The following MED27 variants were observed in gnomAD, a reference collection of about 807,000 sequenced individuals.
MED27 encodes the protein mediator of RNA polymerase II transcription subunit 27.
Under a neutral mutation model 38.2 loss-of-function variants are expected in MED27, and 30 were observed. The observed-to-expected ratio is 0.79, with a 90% CI of 0.59 to 1.07. The LOEUF (loss-of-function observed/expected upper bound fraction) is 1.07, where lower values mean the gene tolerates loss of function less well. Ranked by LOEUF, MED27 falls within the 50% of genes least tolerant of loss-of-function variation. The probability of loss-of-function intolerance (pLI) is 0.00; values close to 1 mark genes in which losing one functional copy is unlikely to be tolerated. For missense variants in MED27, 289 were observed against 397.5 expected, an observed-to-expected ratio of 0.73 and a Z score of 2.32; for synonymous variants, 122 against 153.5, an observed-to-expected ratio of 0.79 and a Z score of 1.52.
intron 4 of MED27, among the ~76,000 whole-genome samples, chr9:131,903,770 C>T (rs1039584535): frequency 7.9e-5 from 12 of 152,148 alleles, no homozygotes; most frequent in African/African-American, 2.7e-4. Flanking sequence ...CTCTGTTGCC[C>T]AGGTTGGAGT....
chr9:131,974,727 G>T (rs1831567190), intron 3 of MED27, among the ~76,000 whole-genome samples: 2 of 152,144 alleles, frequency 1.3e-5, no homozygotes, highest in Admixed American at 1.3e-4. Flanking sequence ...GTGGTGGAGG[G>T]TTATACTTGA....
Position 132,062,769 on chromosome 9 carries a change from A to G in MED27, c.348+14673T>C, listed in dbSNP as rs148141622. Among the ~76,000 whole-genome samples the G allele has an allele frequency of 6.6e-3, 1,005 of 152,094 alleles. 10 individuals are homozygous for G. The highest frequency in any genetic ancestry group is 7.6e-3 in the Non-Finnish European group (514 of 67,968). ...AGTAGCTGGGACTTAGGATTATCACATACCACCACACTTGGCAGATATTTT... is the reference window on the plus strand; with the variant it reads ...AGTAGCTGGGACTTAGGATTATCACGTACCACCACACTTGGCAGATATTTT... On this transcript the variant is annotated intron_variant, in intron 2 of 7. Transcript: ENST00000292035.
intron 4 of MED27, among the ~76,000 whole-genome samples, chr9:131,928,156 C>T (rs1476058016): frequency 6.6e-6 from 1 of 152,184 alleles, no homozygotes; most frequent in Non-Finnish European, 1.5e-5. Flanking sequence ...CATGTGGGCA[C>T]TGCAACATCA....
intron 3 of MED27, among the ~76,000 whole-genome samples, chr9:131,980,206 G>A (rs1831699990): frequency 6.6e-6 from 1 of 151,808 alleles, no homozygotes; most frequent in South Asian, 2.1e-4. Flanking sequence ...TGGGAGGCGG[G>A]TGGCGGGGGG....
In MED27 at chr9:131,957,666, A is replaced by G. The variant is rs528869279; in HGVS notation, c.480-18192T>C. On this transcript the variant is annotated intron_variant, in intron 3 of 7. Transcript: ENST00000292035. Reference sequence around the variant, plus strand: ...TGGTATATCCATACAATGAAATACTACTCCATAATAAAAAGAATATACAAT... The same window carrying G: ...TGGTATATCCATACAATGAAATACTGCTCCATAATAAAAAGAATATACAAT... 2.3e-4 allele frequency among the ~76,000 whole-genome samples: 35 copies of G among 152,180 alleles called. No individual in the cohort carries two copies. In the South Asian group the frequency reaches 7.0e-3, roughly 31 times the overall value.
intron 3 of MED27, among the ~76,000 whole-genome samples, chr9:131,956,293 G>A (rs549804596): frequency 9.8e-5 from 15 of 152,298 alleles, no homozygotes; most frequent in African/African-American, 3.6e-4. Context: ...TACAGTTAGT[G>A]GGCACAGTTT....
At chr9:131,877,201 A>G (rs190615301) in intron 6 of MED27, among the ~76,000 whole-genome samples, 1 of 152,308 alleles carries the variant, frequency 6.6e-6, no homozygotes, top group Admixed American at 6.5e-5. Context: ...CCAGGCCTTC[A>G]TCTGTGGCAT....
chr9:132,064,249 G>A (rs563057084), intron 2 of MED27, among the ~76,000 whole-genome samples: 5 of 152,290 alleles, frequency 3.3e-5, no homozygotes, highest in East Asian at 1.9e-4. Context: ...CAGAGCATCC[G>A]GGAACCCAGC....
intron 4 of MED27, among the ~76,000 whole-genome samples, chr9:131,906,984 T>C (rs9411415): frequency 0.53 from 81,209 of 152,072 alleles, 23,523 homozygotes; most frequent in Non-Finnish European, 0.66. Flanking sequence ...TAAACTGTCA[T>C]GGTGCTGGTG....
intron 4 of MED27, among the ~76,000 whole-genome samples, chr9:131,904,479 C>T (rs1464276299): frequency 2.0e-5 from 3 of 151,964 alleles, no homozygotes; most frequent in Non-Finnish European, 4.4e-5. Flanking sequence ...TAGCTCACTG[C>T]AGCCTGGAAC....
At chr9:132,026,194 C>T (rs945035950) in intron 2 of MED27, among the ~76,000 whole-genome samples, 2 of 152,184 alleles carry the variant, frequency 1.3e-5, no homozygotes, top group East Asian at 1.9e-4. Context: ...GGAATATTCA[C>T]GCATCCATCA....
intron 3 of MED27, among the ~76,000 whole-genome samples, chr9:131,980,644 A>C (rs1457321120): frequency 6.6e-6 from 1 of 152,120 alleles, no homozygotes; most frequent in Non-Finnish European, 1.5e-5. Flanking sequence ...ACAATATTCC[A>C]TCATTTTATG....
intron 3 of MED27, among the ~76,000 whole-genome samples, chr9:131,980,024 T>C (rs1487474438): frequency 6.6e-6 from 1 of 152,170 alleles, no homozygotes; most frequent in African/African-American, 2.4e-5. Flanking sequence ...TGGCTTTTGG[T>C]CTATGAATTG....
At chr9:132,043,981 AG>A (rs1303637062) in intron 2 of MED27, among the ~76,000 whole-genome samples, 2 of 152,236 alleles carry the variant, frequency 1.3e-5, no homozygotes, top group African/African-American at 4.8e-5. Context: ...GTCAACTGGC[AG>A]GGATGTCTTC....
At chr9:131,925,608 G>C (rs1830469388) in intron 4 of MED27, among the ~76,000 whole-genome samples, 2 of 152,148 alleles carry the variant, frequency 1.3e-5, no homozygotes, top group Admixed American at 1.3e-4. Context: ...AAAATGTTCA[G>C]TGAAAAATTA....
At chr9:131,956,277 G>A (rs1589232661) in intron 3 of MED27, among the ~76,000 whole-genome samples, 1 of 152,214 alleles carries the variant, frequency 6.6e-6, no homozygotes, top group East Asian at 1.9e-4. Flanking sequence ...AGTGGGAATT[G>A]GAAGTTACAG....
intron 4 of MED27, among the ~76,000 whole-genome samples, chr9:131,894,919 C>G (rs1829800501): frequency 6.6e-6 from 1 of 152,150 alleles, no homozygotes; most frequent in Admixed American, 6.5e-5. Context: ...AAGACTGGAT[C>G]AGCTCCCTCG....
At chr9:132,074,880 G>A (rs1022839971) in intron 2 of MED27, among the ~76,000 whole-genome samples, 5 of 152,154 alleles carry the variant, frequency 3.3e-5, no homozygotes, top group Non-Finnish European at 5.9e-5. Flanking sequence ...TTTCCTTGCC[G>A]CCCTCCTCTG....
intron 4 of MED27, among the ~76,000 whole-genome samples, chr9:131,937,051 C>G (rs1164534999): frequency 6.6e-6 from 1 of 152,108 alleles, no homozygotes; most frequent in Non-Finnish European, 1.5e-5. Context: ...CCAGAAAACA[C>G]TTTTTGGGGA....
Sources: gnomAD v4.1 joint callset for allele counts (sites outside exome capture counted in the v4.1 genomes callset) on GRCh38, gnomAD v4.1.1 for gene constraint, MANE v1.5 for transcripts, NCBI Gene and HGNC (gene_info 2026-07-23, HGNC 2026-07-21) for gene names.